PCDHA2: variants seen among roughly 807,000 people sequenced by gnomAD.
PCDHA2 encodes the protein protocadherin alpha-2.
A neutral mutation model predicts 66.0 loss-of-function variants in PCDHA2; 58 were observed. That is an observed-to-expected ratio of 0.88 (90% CI 0.71 to 1.09). PCDHA2 has a LOEUF of 1.09. Among genes scored for constraint, PCDHA2 ranks in the 50% least tolerant of loss-of-function variants. The pLI is 0.00. For synonymous variants in PCDHA2, 634 were observed against 554.0 expected, an observed-to-expected ratio of 1.14 and a Z score of -2.03; for missense variants, 1,267 against 1,242.3, an observed-to-expected ratio of 1.02 and a Z score of -0.30.
chr5:140,877,609 C>T (rs1554169925), intron 1 of PCDHA2: 4 of 1,613,876 alleles, frequency 2.5e-6, no homozygotes, highest in Middle Eastern at 1.7e-4. Flanking sequence ...CCTGCTGGTG[C>T]TCACGCTGCT....
intron 1 of PCDHA2, chr5:140,805,353 T>C (rs528843045): frequency 7.5e-6 from 9 of 1,205,696 alleles, no homozygotes; most frequent in Non-Finnish European, 9.3e-6. Context: ...TGTAAAAATA[T>C]AGTTTGGGTC....
intron 3 of PCDHA2, among the ~76,000 whole-genome samples, chr5:140,996,371 C>G (rs1183587138): frequency 6.6e-6 from 1 of 152,126 alleles, no homozygotes; most frequent in Admixed American, 6.6e-5. Context: ...ATTTTGTTGT[C>G]GGCTGAAATA....
intron 1 of PCDHA2, among the ~76,000 whole-genome samples, chr5:140,840,706 G>A (rs1262374408): frequency 6.6e-6 from 1 of 151,968 alleles, no homozygotes; most frequent in African/African-American, 2.4e-5. Flanking sequence ...CAGGCAATTT[G>A]ACATTTATTG....
intron 1 of PCDHA2, among the ~76,000 whole-genome samples, chr5:140,946,992 A>T (rs1393633852): frequency 1.3e-5 from 2 of 151,908 alleles, no homozygotes; most frequent in East Asian, 3.9e-4. Context: ...TGAGTGTTCT[A>T]ACTTCAAAGA....
At chr5:140,968,437 A>G (rs1267054987) in intron 1 of PCDHA2, 2 of 1,614,072 alleles carry the variant, frequency 1.2e-6, no homozygotes, top group Admixed American at 3.3e-5. Context: ...AGGGGAGCCC[A>G]CCACTGAGCA....
intron 1 of PCDHA2, chr5:140,821,856 C>T: frequency 6.2e-7 from 1 of 1,614,160 alleles, no homozygotes; most frequent in Non-Finnish European, 8.5e-7. Flanking sequence ...AGGCAGGGAG[C>T]GGCCAGCTCC....
chr5:140,883,658 G>C (rs573544891), intron 1 of PCDHA2: 2 of 1,613,994 alleles, frequency 1.2e-6, no homozygotes, highest in African/African-American at 2.7e-5. Context: ...CACGGTGTTC[G>C]TGAAGGAAAA....
intron 1 of PCDHA2, chr5:140,807,021 G>T: frequency 1.2e-6 from 1 of 820,400 alleles, no homozygotes; most frequent in Non-Finnish European, 1.9e-6. Flanking sequence ...ATACATGAGA[G>T]AAGGAGGAAG....
intron 1 of PCDHA2, chr5:140,850,578 G>T: frequency 6.3e-7 from 1 of 1,598,460 alleles, no homozygotes; most frequent in Non-Finnish European, 8.6e-7. Context: ...GACGCTGGTG[G>T]ATGTCAACGT....
chr5:140,815,769 A>C (rs990997775), intron 1 of PCDHA2: 3 of 152,144 alleles, frequency 2.0e-5, no homozygotes, highest in Non-Finnish European at 4.4e-5. Flanking sequence ...AGGCAAGTCT[A>C]ATTGTGATCA....
chr5:140,933,314 G>A (rs925777839), intron 1 of PCDHA2, among the ~76,000 whole-genome samples: 2 of 151,914 alleles, frequency 1.3e-5, no homozygotes, highest in Non-Finnish European at 2.9e-5. Flanking sequence ...ATGCAATCTC[G>A]TATTCTCCTG....
chr5:140,883,306 C>G, intron 1 of PCDHA2: 1 of 1,614,050 alleles, frequency 6.2e-7, no homozygotes, highest in Non-Finnish European at 8.5e-7. Flanking sequence ...TAAATGATAA[C>G]GCCCCAGAGG....
At chr5:140,848,502 T>C (rs2150411498) in intron 1 of PCDHA2, 1 of 1,586,510 alleles carries the variant, frequency 6.3e-7, no homozygotes, top group Non-Finnish European at 8.6e-7. Context: ...TGAAATGTTA[T>C]ACTCAAGTCG....
chr5:140,911,907 C>T (rs926309943), intron 1 of PCDHA2, among the ~76,000 whole-genome samples: 2 of 152,110 alleles, frequency 1.3e-5, no homozygotes, highest in Admixed American at 6.6e-5. Flanking sequence ...AGTCAGAGCT[C>T]TCTAGAGGAC....
intron 1 of PCDHA2, chr5:140,875,955 T>C: frequency 6.2e-7 from 1 of 1,614,158 alleles, no homozygotes; most frequent in African/African-American, 1.3e-5. Flanking sequence ...CTGATGCGGA[T>C]ATCGGCGTAA....
intron 1 of PCDHA2, among the ~76,000 whole-genome samples, chr5:140,971,214 C>T (rs1285730991): frequency 6.6e-6 from 1 of 152,172 alleles, no homozygotes; most frequent in African/African-American, 2.4e-5. Flanking sequence ...GTTACCCTCC[C>T]TCTCCTGACT....
intron 1 of PCDHA2, chr5:140,830,261 T>C (rs1554132677): frequency 1.2e-6 from 2 of 1,613,550 alleles, no homozygotes; most frequent in African/African-American, 1.3e-5. Flanking sequence ...GCTGCGGTGC[T>C]CGGCGCCACC....
intron 1 of PCDHA2, among the ~76,000 whole-genome samples, chr5:140,826,108 A>G (rs1252391414): frequency 6.6e-6 from 1 of 152,218 alleles, no homozygotes; most frequent in Non-Finnish European, 1.5e-5. Context: ...CATGCTATTT[A>G]TATATTCCTA....
At chr5:140,850,470 C>T (rs2041624410) in intron 1 of PCDHA2, 2 of 1,597,978 alleles carry the variant, frequency 1.3e-6, no homozygotes, top group East Asian at 4.5e-5. Context: ...GGAGCCAGCG[C>T]TGACGGCCAC....
Sources: gnomAD v4.1 joint callset for allele counts (sites outside exome capture counted in the v4.1 genomes callset) on GRCh38, gnomAD v4.1.1 for gene constraint, MANE v1.5 for transcripts, NCBI Gene and HGNC (gene_info 2026-07-23, HGNC 2026-07-21) for gene names.